The following GPBP1 variants were observed in gnomAD, a reference collection of about 807,000 sequenced individuals.
GPBP1 encodes the protein vasculin.
A neutral mutation model predicts 56.5 loss-of-function variants in GPBP1; 13 were observed. The ratio of observed to expected loss-of-function variants is 0.23; its 90% CI spans 0.15 to 0.37. GPBP1 has a LOEUF of 0.37. Ranked by LOEUF, GPBP1 falls within the 10% of genes least tolerant of loss-of-function variation. The pLI, the probability that GPBP1 is intolerant of heterozygous loss-of-function variation, is 1.00. For missense variants in GPBP1, 477 were observed against 572.3 expected (o/e 0.83, Z 1.70); for synonymous variants, 204 against 188.9 (o/e 1.08, Z -0.66).
chr5:57,203,658 A>G (rs1755110806), intron 2 of GPBP1, among the ~76,000 whole-genome samples: 1 of 152,216 alleles, frequency 6.6e-6, no homozygotes, highest in Non-Finnish European at 1.5e-5. Context: ...GAAAAAAGAA[A>G]AAGAGCATAG....
At chr5:57,243,522 T>G (rs1184222118) in intron 6 of GPBP1, among the ~76,000 whole-genome samples, 5 of 152,090 alleles carry the variant, frequency 3.3e-5, no homozygotes, top group African/African-American at 1.2e-4. Context: ...ATAGAATATT[T>G]CATCATTCTT....
intron 6 of GPBP1, among the ~76,000 whole-genome samples, chr5:57,240,061 A>T (rs1050485223): frequency 6.6e-6 from 1 of 152,034 alleles, no homozygotes; most frequent in Non-Finnish European, 1.5e-5. Context: ...AGGAGCTCTC[A>T]TAGGGAGACC....
At position 57,196,961 on chromosome 5, in the gene GPBP1, T is replaced by C. The variant is rs113805354; in HGVS notation, c.-57-17113T>C. 4.7e-3 allele frequency among the ~76,000 whole-genome samples: 713 copies of C among 152,180 alleles called. 2 individuals carry two copies. Among genetic ancestry groups the C allele is most frequent in the African/African-American group, 0.016 (682 of 41,522 alleles). ...CATACCTGGCTAATTTTTTTATTTTTAGTAGAGATGGGATTTCACCATGTT... is the reference window on the plus strand; with the variant it reads ...CATACCTGGCTAATTTTTTTATTTTCAGTAGAGATGGGATTTCACCATGTT... On this transcript the variant is annotated intron_variant, in intron 2 of 11. Transcript: ENST00000506184.
At chr5:57,207,661 G>A (rs1755292652) in intron 2 of GPBP1, among the ~76,000 whole-genome samples, 1 of 152,170 alleles carries the variant, frequency 6.6e-6, no homozygotes, top group Non-Finnish European at 1.5e-5. Context: ...GATCACACGT[G>A]GGCTTGGAGA....
chr5:57,198,460 C>T (rs1028245649), intron 2 of GPBP1, among the ~76,000 whole-genome samples: 4 of 151,938 alleles, frequency 2.6e-5, no homozygotes, highest in East Asian at 3.9e-4. Context: ...ACTAATGAAC[C>T]GAATAAACAA....
rs1753779465 is a variant in GPBP1, at chr5:57,176,072, A to C, written c.-386A>C. On this transcript the variant is annotated 5_prime_UTR_variant, in exon 2 of 12. Coordinates refer to ENST00000506184, the MANE Select transcript of GPBP1 (RefSeq NM_022913.4). ...TTTAGGAATGCTCTTCAGATGTGAAATTTTCTTTTTGTTTTTGCTTTTTGG... is the reference window on the plus strand; with the variant it reads ...TTTAGGAATGCTCTTCAGATGTGAACTTTTCTTTTTGTTTTTGCTTTTTGG... 1 of 398,330 alleles carries C rather than the reference A, an allele frequency of 2.5e-6. No homozygotes were observed. The highest frequency in any genetic ancestry group is 4.4e-6 in the Non-Finnish European group (1 of 225,972). 24.7% of individuals were successfully genotyped at this position (398,330 alleles called of 1,614,324 possible). A position where few individuals can be genotyped will look rare whatever the true frequency, so the allele number is the denominator to read the frequency against.
intron 11 of GPBP1, 77 bp downstream of exon 11, chr5:57,261,359 A>T (rs1362463540): frequency 1.3e-6 from 1 of 794,702 alleles, no homozygotes; most frequent in African/African-American, 1.7e-5. Context: ...GTAAGCATGG[A>T]GTGGGGGAGA....
At chr5:57,174,980 T>G (rs1753735604) in intron 1 of GPBP1, among the ~76,000 whole-genome samples, 1 of 152,194 alleles carries the variant, frequency 6.6e-6, no homozygotes, top group Non-Finnish European at 1.5e-5. Context: ...CTAGTAGACG[T>G]TCTGATTTGG....
chr5:57,250,936 T>TTA lies in GPBP1; in HGVS notation c.973-18_973-17insTA. On this transcript the variant is annotated splice_polypyrimidine_tract_variant and intron_variant, in intron 9 of 11. Coordinates refer to ENST00000506184, the MANE Select transcript of GPBP1 (RefSeq NM_022913.4). ...TAGAACTCATTCTTTTTTTTTTTTT[T>TTA]AACTCTCTAAAAATCAGGATGACGA... is the stretch of plus-strand genomic sequence containing the variant. The TTA allele has an allele frequency of 6.8e-7, 1 of 1,467,574 alleles. No homozygotes were observed. The highest frequency in any genetic ancestry group is 1.3e-5 in the South Asian group (1 of 79,176). The allele number at this position is 1,467,574 out of a possible 1,614,324, so 90.9% of individuals were successfully genotyped here. A position where few individuals can be genotyped will look rare whatever the true frequency, so the allele number is the denominator to read the frequency against.
intron 8 of GPBP1, among the ~76,000 whole-genome samples, chr5:57,248,419 ATTTTT>A (rs70999069): frequency 1.4e-4 from 14 of 99,344 alleles, no homozygotes; most frequent in African/African-American, 4.9e-4. Flanking sequence ...CTCATATACT[ATTTTT>A]TTTTTTTTTT....
intron 10 of GPBP1, among the ~76,000 whole-genome samples, chr5:57,259,593 T>G (rs929114111): frequency 3.3e-5 from 5 of 152,158 alleles, no homozygotes; most frequent in Admixed American, 6.5e-5. Context: ...TTTTTTACAT[T>G]AACTGAAGAA....
At position 57,230,760 on chromosome 5, in the gene GPBP1, T is replaced by G. The variant is rs1167050009; in HGVS notation, c.64-86T>G. ...GTTTTTCTTAATCATTTAAAATTTT[T>G]GGAAATAAGTGAAGTTGGAGTATTA... On this transcript the variant is annotated intron_variant, in intron 3 of 11. Transcript: ENST00000506184. 2.6e-6 allele frequency: 3 copies of G among 1,150,610 alleles called. No individual in the cohort carries two copies. In the Admixed American group the frequency reaches 6.7e-5, roughly 26 times the overall value. 71.3% of individuals were successfully genotyped at this position (1,150,610 alleles called of 1,614,324 possible).
chr5:57,216,543 C>G (rs1279425268), intron 3 of GPBP1, among the ~76,000 whole-genome samples: 2 of 151,954 alleles, frequency 1.3e-5, no homozygotes, highest in Non-Finnish European at 2.9e-5. Context: ...CTAACATGGC[C>G]CAAACCCCGT....
intron 6 of GPBP1, among the ~76,000 whole-genome samples, chr5:57,238,633 T>G (rs1453824177): frequency 6.6e-6 from 1 of 152,156 alleles, no homozygotes; most frequent in African/African-American, 2.4e-5. Context: ...GAGTACTGTT[T>G]TTGTGCCAGT....
At chr5:57,195,193 T>A (rs1353832492) in intron 2 of GPBP1, among the ~76,000 whole-genome samples, 1 of 152,166 alleles carries the variant, frequency 6.6e-6, no homozygotes, top group Non-Finnish European at 1.5e-5. Flanking sequence ...ACAGGGTTTA[T>A]TGCCCAGGCT....
At chr5:57,251,405 A>G (rs1388370327) in intron 10 of GPBP1, among the ~76,000 whole-genome samples, 1 of 152,184 alleles carries the variant, frequency 6.6e-6, no homozygotes, top group African/African-American at 2.4e-5. Flanking sequence ...GTGGAATAAT[A>G]TAGTATGTGA....
intron 10 of GPBP1, among the ~76,000 whole-genome samples, chr5:57,258,121 G>A (rs893704046): frequency 2.6e-5 from 4 of 152,186 alleles, no homozygotes; most frequent in African/African-American, 7.2e-5. Flanking sequence ...AGAAGCCACC[G>A]AAAATATTTA....
chr5:57,212,664 CTTTTTTTCTTTTT>C, intron 2 of GPBP1, among the ~76,000 whole-genome samples: 2 of 147,768 alleles, frequency 1.4e-5, no homozygotes. Flanking sequence ...TTTTCTTTTT[CTTTTTTTCTTTTT>C]TTTTTTTTTG....
rs1338182709 is a variant in GPBP1 at position 57,251,068 on chromosome 5, T to A, written c.1087T>A (p.Ser363Thr). 4.3e-6 allele frequency: 7 copies of A among 1,613,410 alleles called. No individual in the cohort carries two copies. The highest frequency in any genetic ancestry group is 5.9e-6 in the Non-Finnish European group (7 of 1,179,854). ...AGAGAATGGCAATGCCTCAGTGATT[T>A]CCCAGCAGATCATTCGGTCTTCAAC... The part of the protein sequence containing the change: ...PQENGNASVI[S>T]QQIIRSSTFP... The change falls in exon 10 of 12, where the codon TCC becomes ACC. Residue 363 changes from serine (S) to threonine (T), a missense_variant. Ser to Thr is a moderately conservative substitution (Grantham distance 58). Transcript: ENST00000506184.
Sources: gnomAD v4.1 joint callset for allele counts (sites outside exome capture counted in the v4.1 genomes callset) on GRCh38, gnomAD v4.1.1 for gene constraint, MANE v1.5 for transcripts, NCBI Gene and HGNC (gene_info 2026-07-23, HGNC 2026-07-21) for gene names.